The following CNTN4 variants were observed in gnomAD, a reference collection of about 807,000 sequenced individuals.
CNTN4 encodes the protein contactin 4, also known as contactin-4.
A neutral mutation model predicts 122.5 loss-of-function variants in CNTN4; 77 were observed. The ratio of observed to expected loss-of-function variants is 0.63; its 90% CI spans 0.52 to 0.76. The LOEUF is 0.76. Among genes scored for constraint, CNTN4 ranks in the 30% least tolerant of loss-of-function variants. The pLI is 0.00. For missense variants in CNTN4, 1,256 were observed against 1,259.1 expected (o/e 1.00, Z 0.04); for synonymous variants, 512 against 447.0 (o/e 1.15, Z -1.83).
chr3:2,703,717 A>G (rs917238972), intron 4 of CNTN4, among the ~76,000 whole-genome samples: 10 of 152,190 alleles, frequency 6.6e-5, no homozygotes, highest in Non-Finnish European at 1.3e-4. Context: ...AATTGTAATC[A>G]TAGTTACTTG....
intron 13 of CNTN4, among the ~76,000 whole-genome samples, chr3:2,932,896 C>T (rs910364499): frequency 6.6e-6 from 1 of 152,054 alleles, no homozygotes; most frequent in African/African-American, 2.4e-5. Context: ...GATCTCGGCT[C>T]CCTGCGAGCT....
intron 4 of CNTN4, among the ~76,000 whole-genome samples, chr3:2,704,936 A>G (rs2086569056): frequency 6.6e-6 from 1 of 152,192 alleles, no homozygotes; most frequent in Non-Finnish European, 1.5e-5. Flanking sequence ...TGATGATAGG[A>G]TCAAAGATAA....
chr3:2,814,702 G>T (rs2092688772), intron 6 of CNTN4, among the ~76,000 whole-genome samples: 1 of 152,210 alleles, frequency 6.6e-6, no homozygotes, highest in African/African-American at 2.4e-5. Context: ...CAGTGAAGAT[G>T]CCACAGATTA....
intron 10 of CNTN4, 123 bp downstream of exon 10, chr3:2,887,347 C>T (rs1469057494): frequency 1.1e-6 from 1 of 909,614 alleles, no homozygotes; most frequent in Non-Finnish European, 1.7e-6. Flanking sequence ...GTGTGAAACT[C>T]ATGGTTTGCT....
At chr3:2,317,828 C>A (rs2043157025) in intron 2 of CNTN4, among the ~76,000 whole-genome samples, 1 of 152,138 alleles carries the variant, frequency 6.6e-6, no homozygotes, top group Non-Finnish European at 1.5e-5. Flanking sequence ...GAGTCTGTGT[C>A]CCAGAGAGCT....
chr3:2,235,150 T>A (rs2039632702), intron 2 of CNTN4, among the ~76,000 whole-genome samples: 1 of 152,220 alleles, frequency 6.6e-6, no homozygotes, highest in Non-Finnish European at 1.5e-5. Flanking sequence ...GATTTATTTT[T>A]GCCTGTTCTA....
chr3:2,333,333 TC>T (rs1459905717), intron 2 of CNTN4, among the ~76,000 whole-genome samples: 1 of 152,230 alleles, frequency 6.6e-6, no homozygotes, highest in Non-Finnish European at 1.5e-5. Context: ...ATAGGAAACC[TC>T]CTACACTGTG....
At chr3:2,868,278 A>C (rs996764487) in intron 8 of CNTN4, among the ~76,000 whole-genome samples, 3 of 152,214 alleles carry the variant, frequency 2.0e-5, no homozygotes, top group African/African-American at 7.2e-5. Context: ...ACTGGGGCTC[A>C]GCCACATTTG....
At chr3:2,948,053 C>G (rs1376199020) in intron 13 of CNTN4, among the ~76,000 whole-genome samples, 1 of 152,062 alleles carries the variant, frequency 6.6e-6, no homozygotes, top group Non-Finnish European at 1.5e-5. Context: ...AGTCACAAGC[C>G]ATGTGAATGA....
At chr3:2,392,536 G>A (rs972478282) in intron 3 of CNTN4, among the ~76,000 whole-genome samples, 3 of 151,788 alleles carry the variant, frequency 2.0e-5, no homozygotes, top group Non-Finnish European at 2.9e-5. Flanking sequence ...ACACATAATT[G>A]TATATATGGG....
In CNTN4 at chr3:2,730,405, C is replaced by T. The variant is rs999821805; in HGVS notation, c.56-5810C>T. ...TGGATTTTTGGATGAGGGATGCTCACCTGTTTCAGCCGGGAGGTTTCTTGA... is the reference window on the plus strand; with the variant it reads ...TGGATTTTTGGATGAGGGATGCTCATCTGTTTCAGCCGGGAGGTTTCTTGA... On this transcript the variant is annotated intron_variant, in intron 4 of 24. Coordinates refer to ENST00000418658, the MANE Select transcript of CNTN4 (RefSeq NM_175607.3). 7.2e-5 allele frequency among the ~76,000 whole-genome samples: 11 copies of T among 152,198 alleles called. No homozygotes were observed. The East Asian group carries it at 1.9e-3, about 27-fold the overall frequency.
At chr3:2,658,798 A>T (rs2083718014) in intron 4 of CNTN4, among the ~76,000 whole-genome samples, 1 of 152,248 alleles carries the variant, frequency 6.6e-6, no homozygotes, top group South Asian at 2.1e-4. Context: ...ACTGGGTCTT[A>T]GTTTCAAGCC....
chr3:2,623,057 T>G (rs982343828), intron 4 of CNTN4, among the ~76,000 whole-genome samples: 2 of 152,228 alleles, frequency 1.3e-5, no homozygotes, highest in African/African-American at 4.8e-5. Flanking sequence ...TGCTGTGTTG[T>G]GGGGGCATAT....
intron 2 of CNTN4, among the ~76,000 whole-genome samples, chr3:2,247,357 G>A (rs1158476118): frequency 6.6e-6 from 1 of 151,990 alleles, no homozygotes; most frequent in African/African-American, 2.4e-5. Context: ...TTCTGTGCTT[G>A]GTTGGTGTTG....
intron 4 of CNTN4, among the ~76,000 whole-genome samples, chr3:2,627,177 A>G (rs968437690): frequency 6.6e-6 from 1 of 152,136 alleles, no homozygotes; most frequent in Non-Finnish European, 1.5e-5. Context: ...CAAATTGGTC[A>G]CCCTACTTTG....
chr3:2,544,727 G>A (rs917141765), intron 3 of CNTN4, among the ~76,000 whole-genome samples: 4 of 150,224 alleles, frequency 2.7e-5, no homozygotes, highest in Admixed American at 6.7e-5. Context: ...CCCCTTTGTC[G>A]TTTCTAAATG....
chr3:2,225,159 C>CG (rs2039229791), intron 2 of CNTN4, among the ~76,000 whole-genome samples: 2 of 127,528 alleles, frequency 1.6e-5, no homozygotes, highest in African/African-American at 6.3e-5. Context: ...CCCACCACCC[C>CG]CAAAAAAAAA....
At chr3:2,318,487 G>A (rs2150192280) in intron 2 of CNTN4, among the ~76,000 whole-genome samples, 1 of 152,206 alleles carries the variant, frequency 6.6e-6, no homozygotes, top group South Asian at 2.1e-4. Flanking sequence ...CTTCATTGAA[G>A]CATTTGTATA....
At chr3:2,379,243 T>A (rs2045931928) in intron 3 of CNTN4, among the ~76,000 whole-genome samples, 1 of 152,204 alleles carries the variant, frequency 6.6e-6, no homozygotes, top group South Asian at 2.1e-4. Flanking sequence ...AATTTCTTTT[T>A]CCTGCCTACC....
Sources: gnomAD v4.1 joint callset for allele counts (sites outside exome capture counted in the v4.1 genomes callset) on GRCh38, gnomAD v4.1.1 for gene constraint, MANE v1.5 for transcripts, NCBI Gene and HGNC (gene_info 2026-07-23, HGNC 2026-07-21) for gene names.